Variants in DCAF16 observed in about 807,000 individuals in gnomAD.
DCAF16 encodes the protein DDB1- and CUL4-associated factor 16.
A neutral mutation model predicts 17.3 loss-of-function variants in DCAF16; 10 were observed. That is an observed-to-expected ratio of 0.58 (90% CI 0.36 to 0.98). The LOEUF is 0.98. Among genes scored for constraint, DCAF16 ranks in the 50% least tolerant of loss-of-function variants. The pLI, the probability that DCAF16 is intolerant of heterozygous loss-of-function variation, is 0.01. For missense variants in DCAF16, 249 were observed against 247.6 expected, an observed-to-expected ratio of 1.01 and a Z score of -0.04; for synonymous variants, 111 against 92.8, an observed-to-expected ratio of 1.20 and a Z score of -1.12.
Position 17,803,637 on chromosome 4 carries a change from T to C in DCAF16, c.505A>G (p.Ile169Val), listed in dbSNP as rs759749558. Residue 169 changes from isoleucine (I) to valine (V), a missense_variant, in exon 3 of 3, where the codon ATC (isoleucine) becomes GTC (valine). Ile to Val is a conservative substitution (Grantham distance 29, BLOSUM62 3). Transcript: ENST00000382247. ...ATPIPEYLKQ[I>V]PNSCVSGCCC... ...CACCCAGAAACACATGAATTAGGGA[T>C]CTGTTTTAGGTATTCAGGTATGGGA... 3.1e-6 allele frequency: 5 copies of C among 1,614,100 alleles called. No homozygotes were observed. The highest frequency in any genetic ancestry group is 3.4e-6 in the Non-Finnish European group (4 of 1,180,050).
At chr4:17,795,416 T>G in the DCAF16 span, among the ~76,000 whole-genome samples, 2 of 152,156 alleles carry the variant, frequency 1.3e-5, no homozygotes, top group African/African-American at 2.4e-5. Flanking sequence ...GACTAAAGTC[T>G]TATTATTTCC....
chr4:17,809,630 T>C (rs1351877097), intron 1 of DCAF16: 1 of 152,144 alleles, frequency 6.6e-6, no homozygotes, highest in Non-Finnish European at 1.5e-5. Flanking sequence ...TACTGAGGTG[T>C]AGGAGAGGGA....
intron 1 of DCAF16, 33 bp downstream of exon 1, chr4:17,810,414 G>A (rs938267651): frequency 6.6e-6 from 1 of 152,264 alleles, no homozygotes; most frequent in Non-Finnish European, 1.5e-5. Flanking sequence ...CAGGGACTAA[G>A]GCCTTCAAAA....
rs956820564 is a variant in DCAF16, at chr4:17,801,393, C to T, written c.*2098G>A. The T allele has an allele frequency of 1.3e-5, 2 of 152,034 alleles. No homozygotes were observed. Among genetic ancestry groups the T allele is most frequent in the African/African-American group, 4.8e-5 (2 of 41,390 alleles). 9.4% of individuals were successfully genotyped at this position (152,034 alleles called of 1,614,324 possible). A position where few individuals can be genotyped will look rare whatever the true frequency, so the allele number is the denominator to read the frequency against. On this transcript the variant is annotated 3_prime_UTR_variant, in exon 3 of 3. Transcript: ENST00000382247. ...ATCCACCTGCCCTCAGCCTCCCAAA[C>T]TGTTGGGATTACAGGCATGAGCCAC...
chr4:17,794,240 T>A, the DCAF16 span, among the ~76,000 whole-genome samples: 1 of 152,196 alleles, frequency 6.6e-6, no homozygotes, highest in Admixed American at 6.5e-5. Context: ...TTTGGAATAT[T>A]TACATATACA....
chr4:17,807,476 G>A (rs1187465249), intron 1 of DCAF16, among the ~76,000 whole-genome samples: 3 of 152,212 alleles, frequency 2.0e-5, no homozygotes, highest in Non-Finnish European at 4.4e-5. Context: ...CTGCTGGTGG[G>A]ATTGCAGAGT....
chr4:17,800,097 T>C (rs1377487728), downstream of DCAF16, among the ~76,000 whole-genome samples: 2 of 150,160 alleles, frequency 1.3e-5, no homozygotes, highest in African/African-American at 4.9e-5. Context: ...TGAGCCGAGA[T>C]TGCGCCATTG....
downstream of DCAF16, among the ~76,000 whole-genome samples, chr4:17,797,858 A>C (rs2109009953): frequency 1.3e-5 from 2 of 152,316 alleles, no homozygotes; most frequent in South Asian, 4.1e-4. Context: ...GATACATTGG[A>C]GTGTCAGGTG....
At position 17,806,715 on chromosome 4, in the gene DCAF16, C is replaced by T. The variant is rs572105749; in HGVS notation, c.-749-1490G>A. The stretch of plus-strand genomic sequence containing the variant: ...AAGTTTATATAGAAAGAATAAAATT[C>T]CACATATAGCCAAATGAACTGTTTA... On this transcript the variant is annotated intron_variant, in intron 1 of 2. Transcript: ENST00000382247. Among the ~76,000 whole-genome samples, 123 of 152,190 alleles carry T rather than the reference C, an allele frequency of 8.1e-4. No individual in the cohort carries two copies. The Middle Eastern group carries it at 0.024, about 30-fold the overall frequency.
At chr4:17,798,717 T>A (rs1385148375), downstream of DCAF16, among the ~76,000 whole-genome samples, 3 of 152,164 alleles carry the variant, frequency 2.0e-5, no homozygotes, top group Non-Finnish European at 4.4e-5. Flanking sequence ...CAGGTCACTG[T>A]GGTATATCCT....
chr4:17,804,124 G>C lies in DCAF16; in HGVS notation c.18C>G (p.Pro6=). The change falls in exon 3 of 3, where the codon CCC becomes CCG. Residue 6 remains proline, a synonymous_variant. Transcript: ENST00000382247. MGPRN[P]SPDHLSESES... is the part of the protein sequence containing the mutation. ...CTGATTCTGACAAGTGGTCAGGAGA[G>C]GGATTTCTAGGACCCATCAGAATAA... The C allele has an allele frequency of 2.5e-6, 4 of 1,613,492 alleles. No homozygotes were observed. Among genetic ancestry groups the C allele is most frequent in the Non-Finnish European group, 3.4e-6 (4 of 1,179,814 alleles).
Position 17,804,085 on chromosome 4 carries a change from T to G in DCAF16, c.57A>C (p.Glu19Asp). The part of the protein sequence containing the change: ...DHLSESESEE[E>D]ENISYLNESS... ...TCTCATTTAGGTAACTAATATTTTC[T>G]TCTTCCTCACTTTCTGATTCTGACA... is the stretch of plus-strand genomic sequence containing the variant. The change falls in exon 3 of 3, where the codon GAA becomes GAC. Residue 19 changes from glutamate to aspartate, a missense_variant. By Grantham distance (45) the Glu-to-Asp change is conservative. Transcript: ENST00000382247. 6.2e-7 allele frequency: 1 copy of G among 1,614,164 alleles called. No individual in the cohort carries two copies.
chr4:17,806,348 G>A lies in DCAF16; in HGVS notation c.-749-1123C>T, dbSNP rs142339874. 1.6e-3 allele frequency among the ~76,000 whole-genome samples: 246 copies of A among 152,162 alleles called. 5 individuals carry two copies. Among genetic ancestry groups the A allele is most frequent in the Middle Eastern group, 0.014 (4 of 294 alleles). On this transcript the variant is annotated intron_variant, in intron 1 of 2. Coordinates refer to ENST00000382247, the MANE Select transcript of DCAF16 (RefSeq NM_017741.4). ...CCATCTTACCTGTGGATTAAGTTAC[G>A]TGATCAAAGCCATTCATCTAGTAAG...
At chr4:17,805,383 A>C (rs1377745452) in intron 1 of DCAF16, among the ~76,000 whole-genome samples, 158 bp from the exon 2 acceptor site, 1 of 152,178 alleles carries the variant, frequency 6.6e-6, no homozygotes, top group Non-Finnish European at 1.5e-5. Flanking sequence ...CCAACAGTAC[A>C]TTAAAAAGAA....
rs763944000 is a variant in DCAF16 at position 17,808,827 on chromosome 4, G to A, written c.-750+1620C>T. Among the ~76,000 whole-genome samples, 46 of 152,144 alleles carry A rather than the reference G, an allele frequency of 3.0e-4. 1 individual carries two copies. Among genetic ancestry groups the A allele is most frequent in the Non-Finnish European group, 1.3e-4 (9 of 68,034 alleles). On this transcript the variant is annotated intron_variant, in intron 1 of 2. Coordinates refer to ENST00000382247, the MANE Select transcript of DCAF16 (RefSeq NM_017741.4). ...GTGGATCACCTGAGGTCAGGAGTTC[G>A]AGACCAGCCTGGCCAACATGGCGAA...
the DCAF16 span, among the ~76,000 whole-genome samples, chr4:17,794,315 G>C: frequency 1.3e-5 from 2 of 152,080 alleles, no homozygotes; most frequent in Non-Finnish European, 2.9e-5. Context: ...TATATACATA[G>C]CTTGAAGGTA....
At chr4:17,796,678 G>C (rs1330428153), downstream of DCAF16, among the ~76,000 whole-genome samples, 3 of 152,330 alleles carry the variant, frequency 2.0e-5, no homozygotes, top group Non-Finnish European at 4.4e-5. Flanking sequence ...CTGCGTTCCA[G>C]CCTGGCGACA....
At chr4:17,798,611 A>G (rs556758515), downstream of DCAF16, among the ~76,000 whole-genome samples, 15 of 152,104 alleles carry the variant, frequency 9.9e-5, no homozygotes, top group Non-Finnish European at 2.1e-4. Context: ...TAAAAAAATA[A>G]TAATAATAAT....
chr4:17,798,992 T>C (rs1184176435), downstream of DCAF16, among the ~76,000 whole-genome samples: 1 of 152,204 alleles, frequency 6.6e-6, no homozygotes, highest in Non-Finnish European at 1.5e-5. Flanking sequence ...CGTTACCAGC[T>C]TGCACAGTTA....
Sources: allele counts gnomAD v4.1 joint callset (sites outside exome capture counted in the v4.1 genomes callset), GRCh38; gene constraint gnomAD v4.1.1; transcripts MANE v1.5; gene names NCBI Gene and HGNC (gene_info 2026-07-23, HGNC 2026-07-21).